SRBD1: variants seen among roughly 807,000 people sequenced by gnomAD.
The protein encoded by SRBD1 is S1 RNA-binding domain-containing protein 1.
In SRBD1, 88 loss-of-function variants were observed where a neutral mutation model predicts 115.3. The observed-to-expected ratio is 0.76, with a 90% confidence interval of 0.64 to 0.91. The LOEUF (loss-of-function observed/expected upper bound fraction) is 0.91, where lower values mean the gene tolerates loss of function less well. Among genes scored for constraint, SRBD1 ranks in the 40% least tolerant of loss-of-function variants. The pLI is 0.00. For synonymous variants in SRBD1, 509 were observed against 407.7 expected (o/e 1.25, Z -2.99); for missense variants, 1,385 against 1,177.4 (o/e 1.18, Z -2.58).
chr2:45,482,818 T>C (rs896664498), intron 15 of SRBD1, among the ~76,000 whole-genome samples: 3 of 152,124 alleles, frequency 2.0e-5, no homozygotes, highest in African/African-American at 7.2e-5. Flanking sequence ...AAGTCCTTTA[T>C]ATAAAATGGA....
chr2:45,585,931 T>C (rs1262205347), intron 4 of SRBD1, among the ~76,000 whole-genome samples, 157 bp from the exon 5 acceptor site: 2 of 152,168 alleles, frequency 1.3e-5, no homozygotes, highest in Admixed American at 6.5e-5. Flanking sequence ...AATACATGTA[T>C]CCATTGACAA....
rs142081663 is a variant in SRBD1 at position 45,413,256 on chromosome 2, C to A, written c.2371G>T (p.Ala791Ser). Residue 791 changes from alanine to serine, a missense_variant, in exon 19 of 21, where the codon GCT becomes TCT. Physicochemically the swap from Ala to Ser is moderately conservative, Grantham distance 99. Coordinates refer to ENST00000263736, the MANE Select transcript of SRBD1 (RefSeq NM_018079.5). ...TETSGQIQGV[A>S]VTSSADVEVT... Reference sequence around the variant, plus strand: ...TCAACGTCTGCTGAAGATGTCACAGCAACTCCTTGAATTTGGCCTGAAGTT... The same window carrying A: ...TCAACGTCTGCTGAAGATGTCACAGAAACTCCTTGAATTTGGCCTGAAGTT... 6.2e-7 allele frequency: 1 copy of A among 1,613,870 alleles called. No individual in the cohort carries two copies. The highest frequency in any genetic ancestry group is 2.2e-5 in the East Asian group (1 of 44,880).
At chr2:45,414,630 G>A (rs999835488) in intron 18 of SRBD1, among the ~76,000 whole-genome samples, 1 of 128,364 alleles carries the variant, frequency 7.8e-6, no homozygotes. Flanking sequence ...CACATAGTGT[G>A]TATATAGTGT....
intron 1 of SRBD1, among the ~76,000 whole-genome samples, chr2:45,608,874 C>T (rs569758980): frequency 6.7e-6 from 1 of 150,330 alleles, no homozygotes; most frequent in Non-Finnish European, 1.5e-5. Flanking sequence ...CTGGAGTGAT[C>T]TCAGCTCACT....
chr2:45,588,678 G>GC (rs1375491116), intron 4 of SRBD1, among the ~76,000 whole-genome samples: 5 of 152,204 alleles, frequency 3.3e-5, no homozygotes, highest in Non-Finnish European at 7.3e-5. Context: ...CAGCCTGAGT[G>GC]CTGCATTGCT....
intron 16 of SRBD1, among the ~76,000 whole-genome samples, chr2:45,455,236 C>T (rs1669116814): frequency 6.6e-6 from 1 of 151,800 alleles, no homozygotes; most frequent in African/African-American, 2.4e-5. Flanking sequence ...GGTGAATTTA[C>T]TTTTCCACTT....
At chr2:45,548,396 T>C (rs1298735823) in intron 12 of SRBD1, among the ~76,000 whole-genome samples, 2 of 151,956 alleles carry the variant, frequency 1.3e-5, no homozygotes, top group Non-Finnish European at 2.9e-5. Context: ...AAAAAGAAGA[T>C]ATAACTAGAG....
intron 9 of SRBD1, among the ~76,000 whole-genome samples, chr2:45,569,005 A>G (rs1672923559): frequency 1.3e-5 from 2 of 152,240 alleles, no homozygotes. Flanking sequence ...TAGATATAAT[A>G]GTGAAACATT....
intron 14 of SRBD1, among the ~76,000 whole-genome samples, chr2:45,538,023 G>A (rs2104001647): frequency 6.6e-6 from 1 of 152,284 alleles, no homozygotes; most frequent in East Asian, 1.9e-4. Context: ...GGGCCTGCAG[G>A]AAGAAGTGTA....
chr2:45,518,064 T>C (rs1671173784), intron 14 of SRBD1, among the ~76,000 whole-genome samples: 1 of 152,156 alleles, frequency 6.6e-6, no homozygotes, highest in Admixed American at 6.5e-5. Context: ...AATATCATAA[T>C]AGGCAGGCTT....
chr2:45,528,413 T>C (rs1671514372), intron 14 of SRBD1, among the ~76,000 whole-genome samples: 1 of 151,858 alleles, frequency 6.6e-6, no homozygotes, highest in African/African-American at 2.4e-5. Context: ...GAATGGGGTA[T>C]ATGACAGAAT....
chr2:45,459,442 G>T (rs1669249044), intron 16 of SRBD1, among the ~76,000 whole-genome samples: 1 of 151,922 alleles, frequency 6.6e-6, no homozygotes, highest in Non-Finnish European at 1.5e-5. Flanking sequence ...CCTTTCAGCA[G>T]AAAGGAATGA....
intron 15 of SRBD1, among the ~76,000 whole-genome samples, chr2:45,482,810 G>C (rs551957064): frequency 3.0e-4 from 46 of 152,098 alleles, no homozygotes; most frequent in African/African-American, 1.0e-3. Context: ...GGATGCTCAA[G>C]TCCTTTATAT....
chr2:45,608,189 C>T (rs1674332290), intron 1 of SRBD1, among the ~76,000 whole-genome samples: 1 of 152,168 alleles, frequency 6.6e-6, no homozygotes, highest in African/African-American at 2.4e-5. Flanking sequence ...AGAAGGCTCC[C>T]CTAAATCAAA....
chr2:45,571,394 A>G (rs1486619562), intron 9 of SRBD1, among the ~76,000 whole-genome samples: 3 of 143,410 alleles, frequency 2.1e-5, no homozygotes, highest in African/African-American at 8.6e-5. Flanking sequence ...ATTTACAAAA[A>G]TACTTAGAAA....
chr2:45,500,577 C>G (rs183671360), intron 14 of SRBD1, among the ~76,000 whole-genome samples: 12 of 152,162 alleles, frequency 7.9e-5, no homozygotes, highest in Admixed American at 5.9e-4. Flanking sequence ...CACATGCCAT[C>G]ATGCCCAGCT....
chr2:45,545,776 T>C (rs751905287), intron 14 of SRBD1, among the ~76,000 whole-genome samples: 1 of 152,256 alleles, frequency 6.6e-6, no homozygotes, highest in Non-Finnish European at 1.5e-5. Flanking sequence ...CTTCTCTTAC[T>C]CCCCTTGTTA....
At chr2:45,436,735 A>G (rs1408184712) in intron 16 of SRBD1, among the ~76,000 whole-genome samples, 1 of 152,190 alleles carries the variant, frequency 6.6e-6, no homozygotes, top group East Asian at 1.9e-4. Flanking sequence ...ATCACCTCTC[A>G]CCAGGTCTCT....
At chr2:45,406,341 C>T (rs1247368251) in intron 19 of SRBD1, among the ~76,000 whole-genome samples, 1 of 152,036 alleles carries the variant, frequency 6.6e-6, no homozygotes, top group African/African-American at 2.4e-5. Context: ...AGAACTGTCA[C>T]CAGGTGAATG....
Sources: gnomAD v4.1 joint callset for allele counts (sites outside exome capture counted in the v4.1 genomes callset) on GRCh38, gnomAD v4.1.1 for gene constraint, MANE v1.5 for transcripts, NCBI Gene and HGNC (gene_info 2026-07-23, HGNC 2026-07-21) for gene names.